The following GALNT16 variants were observed in gnomAD, a reference collection of about 807,000 sequenced individuals.
GALNT16 encodes the protein UDP-GalNAc:polypeptide N-acetylgalactosaminyltransferase-like protein 1.
GALNT16 carries 40 observed loss-of-function variants against 76.1 expected under a neutral mutation model. The ratio of observed to expected loss-of-function variants is 0.53; its 90% confidence interval spans 0.41 to 0.68. GALNT16 has a LOEUF of 0.68. Among genes scored for constraint, GALNT16 ranks in the 30% least tolerant of loss-of-function variants. GALNT16 has a pLI of 0.00. For synonymous variants in GALNT16, 276 were observed against 285.2 expected (o/e 0.97, Z 0.32); for missense variants, 621 against 731.9 (o/e 0.85, Z 1.75).
chr14:69,383,434 A>T, the GALNT16 span, among the ~76,000 whole-genome samples: 1 of 152,270 alleles, frequency 6.6e-6, no homozygotes, highest in African/African-American at 2.4e-5. Flanking sequence ...TGGTCTGAGG[A>T]GTAACGGCCC....
intron 12 of GALNT16, among the ~76,000 whole-genome samples, chr14:69,344,293 C>T (rs1456991055): frequency 1.3e-5 from 2 of 152,262 alleles, no homozygotes; most frequent in Non-Finnish European, 2.9e-5. Flanking sequence ...CTGTGCGTTG[C>T]ACAAGCACAC....
intron 1 of GALNT16, among the ~76,000 whole-genome samples, chr14:69,266,788 A>G (rs2044347301): frequency 6.6e-6 from 1 of 152,216 alleles, no homozygotes; most frequent in Non-Finnish European, 1.5e-5. Context: ...CCTGGGAAGT[A>G]GGCGGGCCCC....
intron 12 of GALNT16, among the ~76,000 whole-genome samples, chr14:69,345,734 G>C (rs535709136): frequency 2.6e-4 from 40 of 151,870 alleles, no homozygotes; most frequent in African/African-American, 9.4e-4. Context: ...GTGTGTGTGT[G>C]TGTCTGTATG....
chr14:69,344,109 G>C (rs563462128), intron 12 of GALNT16, among the ~76,000 whole-genome samples: 1 of 152,300 alleles, frequency 6.6e-6, no homozygotes, highest in African/African-American at 2.4e-5. Flanking sequence ...TCCCTAAATA[G>C]TTGCCTACAC....
the GALNT16 span, chr14:69,380,620 G>A: frequency 6.2e-7 from 1 of 1,609,084 alleles, no homozygotes; most frequent in Non-Finnish European, 8.5e-7. Context: ...AGGCTGGTAT[G>A]TCTGGGTATC....
chr14:69,383,169 G>A, the GALNT16 span, among the ~76,000 whole-genome samples: 1 of 152,130 alleles, frequency 6.6e-6, no homozygotes, highest in African/African-American at 2.4e-5. Flanking sequence ...AAAACATACA[G>A]ATCAGAAAAC....
At chr14:69,359,366 G>A (rs2045710496), downstream of GALNT16, 1 of 152,224 alleles carries the variant, frequency 6.6e-6, no homozygotes, top group African/African-American at 2.4e-5. Flanking sequence ...TTGGCATTTA[G>A]GAATTAGTAC....
At chr14:69,309,334 A>G (rs1260618818) in intron 1 of GALNT16, among the ~76,000 whole-genome samples, 2 of 146,540 alleles carry the variant, frequency 1.4e-5, no homozygotes, top group Non-Finnish European at 3.0e-5. Context: ...ACAGGGTCTC[A>G]CTCTGTCACC....
At chr14:69,291,980 A>G (rs2044692719) in intron 1 of GALNT16, among the ~76,000 whole-genome samples, 1 of 152,176 alleles carries the variant, frequency 6.6e-6, no homozygotes, top group African/African-American at 2.4e-5. Flanking sequence ...AGGGGTTCAG[A>G]TACCCCTCCT....
chr14:69,269,393 G>GT (rs2044376793), intron 1 of GALNT16, among the ~76,000 whole-genome samples: 3 of 149,756 alleles, frequency 2.0e-5, no homozygotes, highest in Admixed American at 2.0e-4. Flanking sequence ...GTGTGTGTGT[G>GT]GTGTAGTGTG....
intron 1 of GALNT16, among the ~76,000 whole-genome samples, chr14:69,263,805 A>C (rs972231683): frequency 2.0e-5 from 3 of 152,180 alleles, no homozygotes; most frequent in African/African-American, 7.2e-5. Context: ...TTGGCTATGG[A>C]ATCTGTAAAG....
At chr14:69,338,449 G>A (rs1397227927) in intron 9 of GALNT16, among the ~76,000 whole-genome samples, 1 of 152,180 alleles carries the variant, frequency 6.6e-6, no homozygotes, top group Non-Finnish European at 1.5e-5. Context: ...ATATGTGTGT[G>A]TGTGCATGTG....
intron 6 of GALNT16, among the ~76,000 whole-genome samples, chr14:69,331,121 C>T (rs1262095258): frequency 2.0e-5 from 3 of 152,176 alleles, no homozygotes; most frequent in Non-Finnish European, 4.4e-5. Context: ...ATCATCTAGG[C>T]TGTCATTGTA....
At chr14:69,370,828 C>A in the GALNT16 span, among the ~76,000 whole-genome samples, 2 of 152,348 alleles carry the variant, frequency 1.3e-5, no homozygotes, top group Middle Eastern at 6.8e-3. Flanking sequence ...AAGGAGCCTC[C>A]TGGTGCTATC....
intron 6 of GALNT16, among the ~76,000 whole-genome samples, chr14:69,328,838 GT>G (rs2045318749): frequency 6.6e-6 from 1 of 152,228 alleles, no homozygotes; most frequent in South Asian, 2.1e-4. Context: ...AATGGGTGTT[GT>G]TTTTCTCCTT....
chr14:69,293,011 T>A (rs184897194), intron 1 of GALNT16, among the ~76,000 whole-genome samples: 2 of 152,390 alleles, frequency 1.3e-5, no homozygotes, highest in East Asian at 3.8e-4. Context: ...TCCCTCAATA[T>A]GTGCCATGAC....
At chr14:69,299,866 C>A (rs533272825) in intron 1 of GALNT16, among the ~76,000 whole-genome samples, 3 of 152,314 alleles carry the variant, frequency 2.0e-5, no homozygotes, top group East Asian at 3.9e-4. Context: ...ACAGTGGAGG[C>A]TTCCCACAGA....
intron 1 of GALNT16, among the ~76,000 whole-genome samples, chr14:69,271,640 T>G (rs1387098301): frequency 2.6e-5 from 4 of 152,228 alleles, no homozygotes; most frequent in African/African-American, 9.6e-5. Flanking sequence ...AGGAACTGAA[T>G]TTTTCATTTT....
chr14:69,374,641 C>T, the GALNT16 span, among the ~76,000 whole-genome samples: 476 of 152,322 alleles, frequency 3.1e-3, 4 homozygotes, highest in African/African-American at 0.011. Context: ...GTATATTGCA[C>T]ATTGGAATAT....
Sources: allele counts gnomAD v4.1 joint callset (sites outside exome capture counted in the v4.1 genomes callset), GRCh38; gene constraint gnomAD v4.1.1; transcripts MANE v1.5; gene names NCBI Gene and HGNC (gene_info 2026-07-23, HGNC 2026-07-21).